The following CCDC149 variants were observed in gnomAD, a reference collection of about 807,000 sequenced individuals.
CCDC149 encodes coiled-coil domain containing 149.
A neutral mutation model predicts 59.9 loss-of-function variants in CCDC149; 45 were observed. That is an observed-to-expected ratio of 0.75 (90% CI 0.59 to 0.96). The LOEUF (loss-of-function observed/expected upper bound fraction) is 0.96. Ranked by LOEUF, CCDC149 falls within the 40% of genes least tolerant of loss-of-function variation. CCDC149 has a pLI of 0.00. For synonymous variants in CCDC149, 245 were observed against 260.6 expected (o/e 0.94, Z 0.58); for missense variants, 584 against 664.7 (o/e 0.88, Z 1.33).
At chr4:24,908,627 G>A (rs1212140116) in intron 1 of CCDC149, among the ~76,000 whole-genome samples, 5 of 152,184 alleles carry the variant, frequency 3.3e-5, no homozygotes, top group African/African-American at 1.2e-4. Flanking sequence ...TTGGGCCCAG[G>A]AGATGGAGGC....
chr4:24,809,670 A>T (rs1714470711), intron 12 of CCDC149, among the ~76,000 whole-genome samples: 1 of 152,214 alleles, frequency 6.6e-6, no homozygotes, highest in African/African-American at 2.4e-5. Context: ...CCCAGCCCTC[A>T]GGCTAAACAG....
Position 24,837,288 on chromosome 4 carries a change from T to C in CCDC149, c.602A>G (p.His201Arg). The change falls in exon 6 of 13, where the codon CAT becomes CGT. Residue 201 changes from histidine to arginine, a missense_variant. By Grantham distance (29) the His-to-Arg change is conservative. Transcript: ENST00000635206. The surrounding 1 kb of genome is among the most constrained non-coding windows in gnomAD (Gnocchi z 4.3). The stretch of plus-strand genomic sequence containing the variant: ...GCGGTTCTCGTGCCCACTCAGGATA[T>C]GGTTCAGCTCCTGGTTGAGCCTCTC... 6.2e-7 allele frequency: 1 copy of C among 1,614,196 alleles called. No homozygotes were observed. The highest frequency in any genetic ancestry group is 8.5e-7 in the Non-Finnish European group (1 of 1,180,034).
At chr4:24,858,434 C>T (rs1453289491) in intron 3 of CCDC149, among the ~76,000 whole-genome samples, 1 of 152,160 alleles carries the variant, frequency 6.6e-6, no homozygotes, top group African/African-American at 2.4e-5. Flanking sequence ...CGAGAGCCAA[C>T]ATTAAAGGTT....
intron 1 of CCDC149, among the ~76,000 whole-genome samples, chr4:24,944,023 T>C (rs563759708): frequency 9.6e-4 from 146 of 152,264 alleles, no homozygotes; most frequent in Admixed American, 4.5e-3. Context: ...CTACAAATAC[T>C]ATTTGACCCA....
chr4:24,961,808 T>C (rs977204247), intron 1 of CCDC149, among the ~76,000 whole-genome samples: 3 of 152,136 alleles, frequency 2.0e-5, no homozygotes, highest in African/African-American at 7.2e-5. Context: ...TAAAAATTAA[T>C]TCAAGATGGA....
chr4:24,978,867 C>T (rs990183585), intron 1 of CCDC149, among the ~76,000 whole-genome samples: 3 of 152,300 alleles, frequency 2.0e-5, no homozygotes, highest in South Asian at 2.1e-4. Context: ...CTGACCTGGG[C>T]GTGTCTTTAG....
chr4:24,907,231 A>G, intron 1 of CCDC149, among the ~76,000 whole-genome samples: 1 of 152,222 alleles, frequency 6.6e-6, no homozygotes. Context: ...TTTGATCCTC[A>G]CAATTAGGAT....
At chr4:24,942,227 C>T (rs554000015) in intron 1 of CCDC149, among the ~76,000 whole-genome samples, 69 of 152,300 alleles carry the variant, frequency 4.5e-4, no homozygotes, top group African/African-American at 1.6e-3. Flanking sequence ...CCCTGGGATG[C>T]AAGGCTGGTT....
chr4:24,848,112 C>T (rs963227108), intron 4 of CCDC149, among the ~76,000 whole-genome samples: 26 of 152,006 alleles, frequency 1.7e-4, no homozygotes, highest in African/African-American at 6.0e-4. Flanking sequence ...AATCTCGTGT[C>T]CCAGTCTGTC....
chr4:24,936,821 T>C (rs1174018613), intron 1 of CCDC149, among the ~76,000 whole-genome samples: 1 of 152,218 alleles, frequency 6.6e-6, no homozygotes, highest in East Asian at 1.9e-4. Context: ...TGCCCAGAGC[T>C]GCATGGGAAT....
intron 1 of CCDC149, among the ~76,000 whole-genome samples, chr4:24,885,888 A>G (rs2244674): frequency 0.6 from 91,613 of 152,074 alleles, 29,834 homozygotes; most frequent in Non-Finnish European, 0.74. Context: ...ATTCTTAGGA[A>G]TAATAAGAAG....
chr4:24,874,047 T>C (rs554908715), intron 2 of CCDC149, among the ~76,000 whole-genome samples: 67 of 152,122 alleles, frequency 4.4e-4, no homozygotes, highest in Non-Finnish European at 7.6e-4. Context: ...TTGGTTTGAG[T>C]TCCTCTTTTA....
intron 4 of CCDC149, among the ~76,000 whole-genome samples, chr4:24,852,287 T>TACACAC (rs768071017): frequency 0.034 from 4,113 of 121,256 alleles, 100 homozygotes; most frequent in African/African-American, 0.07. Flanking sequence ...CAACACACCA[T>TACACAC]ACACACACAC....
Position 24,931,348 on chromosome 4 carries a change from G to C in CCDC149, c.-64-36230C>G, listed in dbSNP as rs1044679419. Among the ~76,000 whole-genome samples, 5 of 128,362 alleles carry C rather than the reference G, an allele frequency of 3.9e-5. 1 individual carries two copies. The highest frequency in any genetic ancestry group is 1.7e-4 in the African/African-American group (5 of 29,788). The allele number at this position is 128,362 out of a possible 152,430, so 84.2% of individuals were successfully genotyped here. On this transcript the variant is annotated intron_variant, in intron 1 of 12. Coordinates refer to the CCDC149 transcript ENST00000389609. ...ATATATATATCTCAGTACAGGCAAG[G>C]CTATGCCACAGAGCAAAATTAAGCC...
intron 1 of CCDC149, among the ~76,000 whole-genome samples, chr4:24,885,091 G>T (rs925861174): frequency 6.6e-6 from 1 of 152,166 alleles, no homozygotes; most frequent in African/African-American, 2.4e-5. Context: ...GCTGGCTGTG[G>T]TGGAGGGTGG....
chr4:24,923,792 C>T (rs1722365442), intron 1 of CCDC149, among the ~76,000 whole-genome samples: 1 of 152,194 alleles, frequency 6.6e-6, no homozygotes, highest in Non-Finnish European at 1.5e-5. Context: ...AGGATTAAAG[C>T]TAAGCTTCAG....
intron 9 of CCDC149, among the ~76,000 whole-genome samples, chr4:24,824,634 C>A (rs1158316800): frequency 1.3e-5 from 2 of 152,190 alleles, no homozygotes; most frequent in Non-Finnish European, 2.9e-5. Flanking sequence ...TTCTGTCTTT[C>A]CCCAGCCCCC....
At chr4:24,863,995 G>T (rs571807816) in intron 3 of CCDC149, among the ~76,000 whole-genome samples, 36 of 152,120 alleles carry the variant, frequency 2.4e-4, no homozygotes, top group African/African-American at 8.4e-4. Context: ...TCTGCGAGGG[G>T]CACCCTTTCT....
At chr4:24,945,232 A>G (rs1319469521) in intron 1 of CCDC149, among the ~76,000 whole-genome samples, 2 of 152,166 alleles carry the variant, frequency 1.3e-5, no homozygotes, top group Non-Finnish European at 2.9e-5. Flanking sequence ...GTCCACCAGG[A>G]ATCTCCAAAA....
Sources: gnomAD v4.1 joint callset for allele counts (sites outside exome capture counted in the v4.1 genomes callset) on GRCh38, gnomAD v4.1.1 for gene constraint, Gnocchi (gnomAD v3.1) non-coding constraint, MANE v1.5 for transcripts, NCBI Gene and HGNC (gene_info 2026-07-23, HGNC 2026-07-21) for gene names.